LPA: variants seen among roughly 807,000 people sequenced by gnomAD.
The protein encoded by LPA is lipoprotein(a), also known as apolipoprotein(a).
LPA carries 199 observed loss-of-function variants against 197.9 expected under a neutral mutation model. The ratio of observed to expected loss-of-function variants is 1.01; its 90% CI spans 0.90 to 1.13. The LOEUF is 1.13. LPA is among the 50% of genes most tolerant of loss of function. LPA has a pLI of 0.00. For missense variants in LPA, 1,853 were observed against 1,785.8 expected (o/e 1.04, Z -0.68); for synonymous variants, 715 against 639.5 (o/e 1.12, Z -1.78).
chr6:160,635,428 AC>A (rs1779797505), intron 6 of LPA, 124 bp from the exon 7 acceptor site: 1 of 503,238 alleles, frequency 2.0e-6, no homozygotes, highest in Non-Finnish European at 3.3e-6. Flanking sequence ...CATTAAAAGT[AC>A]CATATGATTG....
At chr6:160,643,017 G>C (rs1466018998) in intron 4 of LPA, among the ~76,000 whole-genome samples, 43 of 136,998 alleles carry the variant, frequency 3.1e-4, no homozygotes, top group Middle Eastern at 3.8e-3. Flanking sequence ...TTCTTCAGGG[G>C]TGCGCGTGTC....
chr6:160,576,717 T>TAC (rs1554234462), intron 28 of LPA, among the ~76,000 whole-genome samples: 3 of 144,284 alleles, frequency 2.1e-5, no homozygotes, highest in East Asian at 2.0e-4. Flanking sequence ...TATATATATA[T>TAC]ACACATCTTA....
chr6:160,593,953 T>C lies in LPA; in HGVS notation c.3629+5A>G, dbSNP rs1241220018. The C allele has an allele frequency of 1.2e-6, 2 of 1,613,522 alleles. No individual in the cohort carries two copies. The highest frequency in any genetic ancestry group is 1.1e-5 in the South Asian group (1 of 91,070). On this transcript the variant is annotated splice_donor_5th_base_variant and intron_variant, in intron 22 of 38. Transcript: ENST00000316300. ...TCTGTCTTTGAAGAAAACTCAAGGT[T>C]GTACCCATTTGGATAATATTCTGTT...
intron 30 of LPA, among the ~76,000 whole-genome samples, chr6:160,555,155 T>C (rs1382522493): frequency 6.6e-6 from 1 of 151,450 alleles, no homozygotes; most frequent in East Asian, 1.9e-4. Context: ...TTCTTGCTTT[T>C]GCTCTTCCTC....
chr6:160,560,766 CAGA>C (rs960260167), intron 28 of LPA, among the ~76,000 whole-genome samples: 4 of 152,052 alleles, frequency 2.6e-5, no homozygotes, highest in Non-Finnish European at 5.9e-5. Context: ...TTTTGCTGTG[CAGA>C]AGCTCTTTAT....
chr6:160,658,722 T>C (rs745799224), intron 1 of LPA, among the ~76,000 whole-genome samples: 3 of 152,122 alleles, frequency 2.0e-5, no homozygotes, highest in Admixed American at 6.5e-5. Flanking sequence ...GTCCTTAGCA[T>C]TTTTTGGTCT....
chr6:160,590,267 C>A (rs557540968), intron 23 of LPA, among the ~76,000 whole-genome samples: 1 of 152,286 alleles, frequency 6.6e-6, no homozygotes, highest in African/African-American at 2.4e-5. Context: ...GGCGGGAAAT[C>A]TTGGGCCCAG....
At chr6:160,583,020 G>C (rs2115036005) in intron 26 of LPA, among the ~76,000 whole-genome samples, 1 of 151,752 alleles carries the variant, frequency 6.6e-6, no homozygotes, top group East Asian at 1.9e-4. Flanking sequence ...TTCAGTTCTT[G>C]ACTCTCCATT....
At chr6:160,558,757 C>A (rs1399633434) in intron 28 of LPA, among the ~76,000 whole-genome samples, 1 of 152,176 alleles carries the variant, frequency 6.6e-6, no homozygotes, top group Non-Finnish European at 1.5e-5. Flanking sequence ...AAAGCAAGGA[C>A]CCTGGGGTGG....
intron 37 of LPA, among the ~76,000 whole-genome samples, chr6:160,537,078 C>T (rs935350719): frequency 1.3e-5 from 2 of 152,162 alleles, no homozygotes; most frequent in African/African-American, 2.4e-5. Context: ...AGTGCCCTTG[C>T]CTGCACCTCT....
chr6:160,556,388 C>T (rs537663461), intron 29 of LPA, among the ~76,000 whole-genome samples: 4 of 152,062 alleles, frequency 2.6e-5, no homozygotes, highest in South Asian at 2.1e-4. Flanking sequence ...ATATTCAAAA[C>T]CTGGTGGGAA....
At chr6:160,595,700 G>A (rs566871849) in intron 20 of LPA, among the ~76,000 whole-genome samples, 165 bp from the exon 21 acceptor site, 9 of 152,236 alleles carry the variant, frequency 5.9e-5, no homozygotes, top group South Asian at 2.1e-4. Context: ...AAACAACTGC[G>A]AACATCTCAA....
rs1779912640 is a variant in LPA at position 160,647,369 on chromosome 6, T to C, written c.210-974A>G. ...AGAACGTTGCTCCAACCTCTCAGTA[T>C]CCTCACATTCATGACCTGTGGCTGC... On this transcript the variant is annotated intron_variant, in intron 2 of 38. Coordinates refer to ENST00000316300, the MANE Select transcript of LPA (RefSeq NM_005577.4). Among the ~76,000 whole-genome samples, 3 of 152,162 alleles carry C rather than the reference T, an allele frequency of 2.0e-5. No individual in the cohort carries two copies. The South Asian group carries it at 6.2e-4, about 31-fold the overall frequency.
intron 18 of LPA, among the ~76,000 whole-genome samples, chr6:160,601,351 A>T (rs751147439): frequency 6.6e-6 from 1 of 152,226 alleles, no homozygotes; most frequent in Middle Eastern, 3.2e-3. Flanking sequence ...CTGAGATTAT[A>T]CATACATGTG....
rs1462919076 is a variant in LPA at position 160,634,854 on chromosome 6, G to C, written c.1075+269C>G. Among the ~76,000 whole-genome samples the C allele has an allele frequency of 4.0e-5, 6 of 150,240 alleles. 1 individual carries two copies. Among genetic ancestry groups the C allele is most frequent in the African/African-American group, 1.0e-4 (4 of 39,552 alleles). The stretch of plus-strand genomic sequence containing the variant: ...CAATAAAAATTTTGGCTAAGACACT[G>C]AGATAGCCCATTTTAGAAGGAGGTG... On this transcript the variant is annotated intron_variant, in intron 7 of 38. Coordinates refer to ENST00000316300, the MANE Select transcript of LPA (RefSeq NM_005577.4).
At chr6:160,608,819 T>TTTTGTGTGTGTG (rs1554239064) in intron 16 of LPA, among the ~76,000 whole-genome samples, 1 of 149,348 alleles carries the variant, frequency 6.7e-6, no homozygotes, top group African/African-American at 2.5e-5. Context: ...TTCTTGAGGG[T>TTTTGTGTGTGTG]TGTGTGTGTG....
chr6:160,547,911 A>C lies in LPA; in HGVS notation c.5182T>G (p.Tyr1728Asp). 6.2e-7 allele frequency: 1 copy of C among 1,614,046 alleles called. No individual in the cohort carries two copies. Among genetic ancestry groups the C allele is most frequent in the South Asian group, 1.1e-5 (1 of 91,082 alleles). ...ACAGTGGTTGCCTTCTTGCCCCGGT[A>C]TCCTTTCCCATTCCCAAACATACAG... is the stretch of plus-strand genomic sequence containing the variant. The part of the protein sequence containing the change: ...QDCMFGNGKG[Y>D]RGKKATTVTG... Residue 1728 changes from tyrosine (Y) to aspartate (D), a missense_variant, in exon 32 of 39, where the codon TAC (tyrosine) becomes GAC (aspartate). By Grantham distance (160) the Tyr-to-Asp change is radical. Transcript: ENST00000316300.
At position 160,606,578 on chromosome 6, in the gene LPA, C is replaced by T. The variant is rs1264151008; in HGVS notation, c.2684G>A (p.Trp895Ter). Residue 895 changes from tryptophan to a stop codon, truncating the protein, a stop_gained, in exon 17 of 39, where the codon TGG becomes TAG. Transcript: ENST00000316300. LOFTEE classifies it high-confidence loss of function. ...GCATTGTGTCAGGTTGCAGTACTCCCACCTGACACTGGGATCCCTCGTATA... is the reference window on the plus strand; with the variant it reads ...GCATTGTGTCAGGTTGCAGTACTCCTACCTGACACTGGGATCCCTCGTATA... ...YCYTRDPSVRWEYCNLTQCSD... is the reference protein window; with the variant it reads ...YCYTRDPSVR The T allele has an allele frequency of 9.9e-6, 16 of 1,613,770 alleles. No individual in the cohort carries two copies. Among genetic ancestry groups the T allele is most frequent in the Admixed American group, 1.7e-5 (1 of 60,008 alleles).
At chr6:160,571,914 C>A (rs1370788368) in intron 28 of LPA, among the ~76,000 whole-genome samples, 1 of 152,112 alleles carries the variant, frequency 6.6e-6, no homozygotes, top group Admixed American at 6.5e-5. Context: ...CCAGGGACCA[C>A]TGGGGTATGA....
Sources: allele counts gnomAD v4.1 joint callset (sites outside exome capture counted in the v4.1 genomes callset), GRCh38; gene constraint gnomAD v4.1.1; transcripts MANE v1.5; gene names NCBI Gene and HGNC (gene_info 2026-07-23, HGNC 2026-07-21).